Variants in DNAH11 observed in about 807,000 individuals in gnomAD.
DNAH11 encodes the protein axonemal beta dynein heavy chain 11.
DNAH11 carries 442 observed loss-of-function variants against 526.0 expected under a neutral mutation model. The observed-to-expected ratio is 0.84, with a 90% CI of 0.78 to 0.91. The LOEUF is 0.91. Ranked by LOEUF, DNAH11 falls within the 40% of genes least tolerant of loss-of-function variation. DNAH11 has a pLI of 0.00. For missense variants in DNAH11, 6,989 were observed against 5,448.7 expected, an observed-to-expected ratio of 1.28 and a Z score of -8.90; for synonymous variants, 2,461 against 1,935.9, an observed-to-expected ratio of 1.27 and a Z score of -7.12.
chr7:21,711,698 G>A lies in DNAH11; in HGVS notation c.6835-14G>A. On this transcript the variant is annotated splice_polypyrimidine_tract_variant and intron_variant, in intron 41 of 81. Transcript: ENST00000409508. Reference sequence around the variant, plus strand: ...TGCTTTTGCCCATGGGTGACAGTGTGCTGCTCACTCCAGGTGCTGACCCTC... The same window carrying A: ...TGCTTTTGCCCATGGGTGACAGTGTACTGCTCACTCCAGGTGCTGACCCTC... 6.2e-7 allele frequency: 1 copy of A among 1,611,304 alleles called. No homozygotes were observed. Among genetic ancestry groups the A allele is most frequent in the Non-Finnish European group, 8.5e-7 (1 of 1,178,088 alleles).
At position 21,901,400 on chromosome 7, in the gene DNAH11, C is replaced by G. The variant is rs1298863003; in HGVS notation, c.*146C>G. On this transcript the variant is annotated 3_prime_UTR_variant, in exon 82 of 82. Coordinates refer to ENST00000409508, the MANE Select transcript of DNAH11 (RefSeq NM_001277115.2). ...TCAACGCTATCCTTAGAGTGAAAGT[C>G]AGAAAAAAATACTAGAAACTAACTC... 39 of 1,176,106 alleles carry G rather than the reference C, an allele frequency of 3.3e-5. No individual in the cohort carries two copies. The highest frequency in any genetic ancestry group is 4.2e-5 in the Non-Finnish European group (38 of 906,004). The allele number at this position is 1,176,106 out of a possible 1,614,324, so 72.9% of individuals were successfully genotyped here. A position where few individuals can be genotyped will look rare whatever the true frequency, so the allele number is the denominator to read the frequency against.
intron 30 of DNAH11, among the ~76,000 whole-genome samples, chr7:21,669,712 C>T (rs1430764081): frequency 2.6e-5 from 4 of 151,420 alleles, no homozygotes; most frequent in African/African-American, 7.3e-5. Flanking sequence ...GTCCAAAAGT[C>T]ATGAAAATAT....
At chr7:21,657,857 C>A (rs1214524690) in intron 29 of DNAH11, among the ~76,000 whole-genome samples, 1 of 152,168 alleles carries the variant, frequency 6.6e-6, no homozygotes. Context: ...GTTGTCCACT[C>A]ATTAACCACT....
At chr7:21,862,145 T>A in intron 69 of DNAH11, 122 bp downstream of exon 69, 1 of 995,006 alleles carries the variant, frequency 1.0e-6, no homozygotes, top group Non-Finnish European at 1.4e-6. Context: ...TTGGAAGCCC[T>A]TGGTGGCATG....
intron 51 of DNAH11, 48 bp from the exon 52 acceptor site, chr7:21,748,532 C>G (rs770888195): frequency 1.4e-6 from 2 of 1,421,660 alleles, no homozygotes; most frequent in African/African-American, 2.9e-5. Context: ...AGACATAGTC[C>G]CGGGGCATTT....
In DNAH11 at chr7:21,600,880, A is replaced by C; in HGVS notation, c.3205A>C (p.Asn1069His). The C allele has an allele frequency of 6.2e-7, 1 of 1,613,934 alleles. No individual in the cohort carries two copies. The highest frequency in any genetic ancestry group is 2.2e-5 in the East Asian group (1 of 44,880). Residue 1069 changes from asparagine to histidine, a missense_variant, in exon 16 of 82, where the codon AAT becomes CAT. By Grantham distance (68) the Asn-to-His change is moderately conservative. Transcript: ENST00000409508. ...VSSDEMDAHA[N>H]EEIPEQPPTL... ...TTCCGATGAAATGGATGCTCATGCA[A>C]ATGAAGAAATTCCCGAACAACCACC...
chr7:21,622,875 A>T (rs930949015), intron 25 of DNAH11, among the ~76,000 whole-genome samples: 6 of 152,100 alleles, frequency 3.9e-5, no homozygotes, highest in Non-Finnish European at 8.8e-5. Context: ...CTAGAAGAAA[A>T]CCTAGGCATT....
intron 8 of DNAH11, among the ~76,000 whole-genome samples, chr7:21,574,867 CTTTTTTTTTTT>C (rs869117425): frequency 7.0e-5 from 3 of 42,850 alleles, no homozygotes; most frequent in African/African-American, 1.2e-4. Context: ...CTGCACTGGG[CTTTTTTTTTTT>C]TTTTTTTTTT....
intron 61 of DNAH11, among the ~76,000 whole-genome samples, chr7:21,789,781 C>CTTTCTTTCTTTTCTTTCTTTCTTTCTTT (rs1788360736): frequency 1.3e-5 from 1 of 77,142 alleles, no homozygotes; most frequent in Non-Finnish European, 2.8e-5. Flanking sequence ...TTCTTTCTTT[C>CTTTCTTTCTTTTCTTTCTTTCTTTCTTT]TTTCTTTCTT....
intron 50 of DNAH11, 92 bp from the exon 51 acceptor site, chr7:21,744,778 C>A: frequency 6.8e-7 from 1 of 1,475,126 alleles, no homozygotes; most frequent in South Asian, 1.3e-5. Context: ...ATGTGTGGGT[C>A]TGCAAGCTTT....
chr7:21,789,897 CCCCT>C (rs796797693), intron 61 of DNAH11, among the ~76,000 whole-genome samples: 6 of 129,118 alleles, frequency 4.6e-5, no homozygotes, highest in South Asian at 2.7e-4. Context: ...TCTTTCCTTT[CCCCT>C]CCCTCCCTCC....
At chr7:21,570,901 G>T (rs940378700) in intron 7 of DNAH11, among the ~76,000 whole-genome samples, 4 of 142,138 alleles carry the variant, frequency 2.8e-5, no homozygotes, top group East Asian at 4.3e-4. Context: ...AAAAAAAAAA[G>T]TTTAAATTGA....
chr7:21,794,800 G>C (rs773481199), intron 61 of DNAH11, among the ~76,000 whole-genome samples: 32 of 152,118 alleles, frequency 2.1e-4, no homozygotes, highest in Non-Finnish European at 4.4e-5. Context: ...ACGGTAAAAA[G>C]CAGTTTTCTT....
At chr7:21,889,739 T>C (rs1486352515) in intron 76 of DNAH11, among the ~76,000 whole-genome samples, 1 of 152,200 alleles carries the variant, frequency 6.6e-6, no homozygotes, top group Non-Finnish European at 1.5e-5. Context: ...CTTTGAGGCA[T>C]TATAACAGCT....
At chr7:21,611,765 A>T (rs886214517) in intron 20 of DNAH11, among the ~76,000 whole-genome samples, 5 of 152,340 alleles carry the variant, frequency 3.3e-5, no homozygotes, top group Admixed American at 6.5e-5. Flanking sequence ...ATGTCTTTCA[A>T]TTCTACTGGG....
chr7:21,860,080 G>A (rs2128029478), intron 68 of DNAH11, among the ~76,000 whole-genome samples: 2 of 152,256 alleles, frequency 1.3e-5, no homozygotes, highest in South Asian at 4.2e-4. Flanking sequence ...GGCTGAGGTG[G>A]GAGGGTTGCT....
chr7:21,683,768 T>C lies in DNAH11; in HGVS notation c.5461-16T>C. On this transcript the variant is annotated splice_polypyrimidine_tract_variant and intron_variant, in intron 31 of 81. Coordinates refer to ENST00000409508, the MANE Select transcript of DNAH11 (RefSeq NM_001277115.2). ...CTACCAGTGTCCTGCGTATGATGAT[T>C]ATGCAATGCCTTTAGGTTGTCAGTC... 1.9e-6 allele frequency: 3 copies of C among 1,573,756 alleles called. No individual in the cohort carries two copies. Among genetic ancestry groups the C allele is most frequent in the East Asian group, 2.3e-5 (1 of 44,396 alleles).
chr7:21,737,609 T>C (rs769861044), intron 46 of DNAH11, among the ~76,000 whole-genome samples: 1 of 152,092 alleles, frequency 6.6e-6, no homozygotes, highest in Non-Finnish European at 1.5e-5. Context: ...TGGACCAGAA[T>C]TGTAGAAAAG....
At chr7:21,656,466 T>C (rs1250396483) in intron 29 of DNAH11, among the ~76,000 whole-genome samples, 1 of 152,210 alleles carries the variant, frequency 6.6e-6, no homozygotes, top group Non-Finnish European at 1.5e-5. Flanking sequence ...AGCAAGCTGA[T>C]GTCCTGTACT....
Sources: allele counts gnomAD v4.1 joint callset (sites outside exome capture counted in the v4.1 genomes callset), GRCh38; gene constraint gnomAD v4.1.1; transcripts MANE v1.5; gene names NCBI Gene and HGNC (gene_info 2026-07-23, HGNC 2026-07-21).